ERCC8: variants seen among roughly 807,000 people sequenced by gnomAD.
ERCC8 encodes DNA excision repair protein ERCC-8.
Under a neutral mutation model 54.9 loss-of-function variants are expected in ERCC8, and 52 were observed. The observed-to-expected ratio is 0.95, with a 90% CI of 0.76 to 1.19. ERCC8 has a LOEUF of 1.19. Ranked by LOEUF, ERCC8 falls within the 50% of genes most tolerant of loss-of-function variation. The probability of loss-of-function intolerance (pLI) is 0.00; values close to 1 mark genes in which losing one functional copy is unlikely to be tolerated. For synonymous variants in ERCC8, 146 were observed against 157.2 expected, an observed-to-expected ratio of 0.93 and a Z score of 0.53; for missense variants, 514 against 466.1, an observed-to-expected ratio of 1.10 and a Z score of -0.95.
intron 9 of ERCC8, 72 bp from the exon 10 acceptor site, chr5:60,891,158 A>C: frequency 1.0e-6 from 1 of 988,568 alleles, no homozygotes; most frequent in Non-Finnish European, 1.6e-6. Context: ...CCTAGGAGAA[A>C]TACTTAAAAT....
At chr5:60,942,934 A>T (rs184906769) in intron 1 of ERCC8, among the ~76,000 whole-genome samples, 1 of 152,206 alleles carries the variant, frequency 6.6e-6, no homozygotes, top group East Asian at 1.9e-4. Context: ...ATGGAACTAT[A>T]TAATTGTTTA....
intron 11 of ERCC8, among the ~76,000 whole-genome samples, chr5:60,877,036 C>T (rs1300598637): frequency 6.6e-6 from 1 of 152,122 alleles, no homozygotes; most frequent in African/African-American, 2.4e-5. Context: ...AGTCTTAATC[C>T]ATCTTGAATT....
At chr5:60,933,554 TG>T (rs1171034446) in intron 1 of ERCC8, among the ~76,000 whole-genome samples, 1 of 152,188 alleles carries the variant, frequency 6.6e-6, no homozygotes, top group African/African-American at 2.4e-5. Context: ...ACTTAGTTTT[TG>T]TTTTACTTTT....
intron 1 of ERCC8, among the ~76,000 whole-genome samples, chr5:60,937,599 C>T (rs1217143454): frequency 2.0e-5 from 3 of 152,200 alleles, no homozygotes; most frequent in African/African-American, 7.2e-5. Context: ...CCAAAGGCTT[C>T]ACCCAGCTCC....
chr5:60,887,726 T>C (rs990680683), intron 10 of ERCC8, among the ~76,000 whole-genome samples: 3 of 152,216 alleles, frequency 2.0e-5, no homozygotes, highest in Non-Finnish European at 4.4e-5. Flanking sequence ...TTAGGATTTG[T>C]CAGAGCTTAC....
intron 9 of ERCC8, chr5:60,893,444 TG>T: frequency 1.1e-6 from 1 of 948,242 alleles, no homozygotes; most frequent in Non-Finnish European, 1.7e-6. Flanking sequence ...TCGATTGGCA[TG>T]ATCATTGGAG....
At chr5:60,905,285 TTTCAG>T (rs141645867) in intron 4 of ERCC8, among the ~76,000 whole-genome samples, 63,239 of 151,478 alleles carry the variant, frequency 0.42, 13,750 homozygotes, top group East Asian at 0.8. Flanking sequence ...AAATCATACA[TTTCAG>T]TTATCTATGA....
rs936091897 is a variant in ERCC8 at position 60,866,875 on chromosome 5, C to T, written c.*7740G>A. The T allele has an allele frequency of 1.3e-5, 2 of 151,924 alleles. No individual in the cohort carries two copies. Among genetic ancestry groups the T allele is most frequent in the Non-Finnish European group, 2.9e-5 (2 of 67,992 alleles). The allele number at this position is 151,924 out of a possible 1,614,324, so 9.4% of individuals were successfully genotyped here. ...TCCTTTTTTTTTTGAGATGGAGTCT[C>T]GCTCTCTTGTCCAGGCCGGAGTGCA... is the stretch of plus-strand genomic sequence containing the variant. On this transcript the variant is annotated 3_prime_UTR_variant, in exon 12 of 12. Coordinates refer to ENST00000676185, the MANE Select transcript of ERCC8 (RefSeq NM_000082.4).
At chr5:60,925,186 TA>T (rs1749709901) in intron 2 of ERCC8, among the ~76,000 whole-genome samples, 1 of 152,230 alleles carries the variant, frequency 6.6e-6, no homozygotes, top group South Asian at 2.1e-4. Flanking sequence ...TTTTATATAT[TA>T]AAACATCCTC....
intron 9 of ERCC8, among the ~76,000 whole-genome samples, chr5:60,896,553 C>G (rs936347723): frequency 6.6e-6 from 1 of 152,138 alleles, no homozygotes; most frequent in Non-Finnish European, 1.5e-5. Context: ...AACGGCAGGA[C>G]TGGTTCTATC....
rs528970733 is a variant in ERCC8 at position 60,876,990 on chromosome 5, C to A, written c.1123-2307G>T. ...TCCTGAATGGTAATGCCTAGGTTTTCTTCTGGGGTTTTTATGGTTTTAGGT... is the reference window on the plus strand; with the variant it reads ...TCCTGAATGGTAATGCCTAGGTTTTATTCTGGGGTTTTTATGGTTTTAGGT... On this transcript the variant is annotated intron_variant, in intron 11 of 11. Transcript: ENST00000676185. Among the ~76,000 whole-genome samples, 609 of 152,260 alleles carry A rather than the reference C, an allele frequency of 4.0e-3. 5 individuals are homozygous for A. The highest frequency in any genetic ancestry group is 0.014 in the African/African-American group (565 of 41,550).
intron 9 of ERCC8, among the ~76,000 whole-genome samples, chr5:60,893,962 G>A: frequency 6.7e-6 from 1 of 149,670 alleles, no homozygotes; most frequent in Middle Eastern, 3.5e-3. Context: ...CCTTGACCTG[G>A]TAATTGCTCC....
intron 1 of ERCC8, among the ~76,000 whole-genome samples, chr5:60,944,726 A>ACC (rs1300642410): frequency 8.8e-5 from 3 of 34,112 alleles, no homozygotes; most frequent in African/African-American, 3.4e-4. Flanking sequence ...ACCCCCGGGG[A>ACC]ACCCCCCCCA....
chr5:60,892,474 TATA>T, intron 9 of ERCC8: 1 of 568,360 alleles, frequency 1.8e-6, no homozygotes, highest in South Asian at 1.5e-5. Flanking sequence ...GGTGGTGGTC[TATA>T]GAAGCTGATC....
chr5:60,920,758 G>A (rs890477489), intron 3 of ERCC8, among the ~76,000 whole-genome samples: 1 of 151,786 alleles, frequency 6.6e-6, no homozygotes, highest in Non-Finnish European at 1.5e-5. Context: ...GACACATTAC[G>A]CATTTACTTA....
At chr5:60,903,928 ACATTT>A (rs1748978009) in intron 5 of ERCC8, among the ~76,000 whole-genome samples, 1 of 152,100 alleles carries the variant, frequency 6.6e-6, no homozygotes, top group Non-Finnish European at 1.5e-5. Context: ...CTCTATTATT[ACATTT>A]ATTTTTTATT....
chr5:60,920,321 AT>A (rs1206405762), intron 3 of ERCC8, among the ~76,000 whole-genome samples: 2 of 151,940 alleles, frequency 1.3e-5, no homozygotes, highest in African/African-American at 2.4e-5. Context: ...TTCTACAGAG[AT>A]TTTTCCAGTG....
At chr5:60,895,987 T>G (rs1312885387) in intron 9 of ERCC8, among the ~76,000 whole-genome samples, 7 of 152,212 alleles carry the variant, frequency 4.6e-5, no homozygotes, top group Non-Finnish European at 1.0e-4. Flanking sequence ...ATTTCTTTTC[T>G]TTTCTTTTCT....
At position 60,944,999 on chromosome 5, in the gene ERCC8, A is replaced by C. The variant is rs764406810; in HGVS notation, c.10T>G (p.Phe4Val). MLGFLSARQTGLED... is the reference protein window; with the variant it reads MLGVLSARQTGLED... ...AAACCCGTTTGGCGTGCGGACAAAA[A>C]CCCCAGCATATCGTGTCCTCACACC... Residue 4 changes from phenylalanine to valine, a missense_variant, in exon 1 of 12, where the codon TTT becomes GTT. Transcript: ENST00000676185. 1.2e-5 allele frequency: 20 copies of C among 1,613,438 alleles called. 1 individual carries two copies. Among genetic ancestry groups the C allele is most frequent in the South Asian group, 2.2e-5 (2 of 91,044 alleles).
Sources: allele counts gnomAD v4.1 joint callset (sites outside exome capture counted in the v4.1 genomes callset), GRCh38; gene constraint gnomAD v4.1.1; transcripts MANE v1.5; gene names NCBI Gene and HGNC (gene_info 2026-07-23, HGNC 2026-07-21).